The following ADAMTS19 variants were observed in gnomAD, a reference collection of about 807,000 sequenced individuals.
ADAMTS19 encodes the protein A disintegrin and metalloproteinase with thrombospondin motifs 19.
ADAMTS19 carries 93 observed loss-of-function variants against 153.3 expected under a neutral mutation model. The observed-to-expected ratio is 0.61, with a 90% CI of 0.51 to 0.72. The LOEUF (loss-of-function observed/expected upper bound fraction) is 0.72. Ranked by LOEUF, ADAMTS19 falls within the 30% of genes least tolerant of loss-of-function variation. The probability of loss-of-function intolerance (pLI) is 0.00; values close to 1 mark genes in which losing one functional copy is unlikely to be tolerated. For synonymous variants in ADAMTS19, 600 were observed against 556.6 expected (o/e 1.08, Z -1.10); for missense variants, 1,482 against 1,552.1 (o/e 0.95, Z 0.76).
chr5:129,642,087 AT>A (rs1191255171), intron 11 of ADAMTS19, 127 bp downstream of exon 11: 1 of 442,558 alleles, frequency 2.3e-6, no homozygotes, highest in African/African-American at 2.0e-5. Flanking sequence ...ATATACAAAA[AT>A]ATTAGTATTT....
intron 6 of ADAMTS19, among the ~76,000 whole-genome samples, chr5:129,541,953 A>G (rs1561560987): frequency 6.6e-6 from 1 of 152,140 alleles, no homozygotes; most frequent in South Asian, 2.1e-4. Flanking sequence ...TATTTATAAT[A>G]ATAATGCTAG....
At chr5:129,686,237 G>C (rs940778072) in intron 18 of ADAMTS19, among the ~76,000 whole-genome samples, 16 of 152,100 alleles carry the variant, frequency 1.1e-4, no homozygotes, top group African/African-American at 3.1e-4. Flanking sequence ...TAAGAGAGGA[G>C]TAAGTGCTTG....
intron 2 of ADAMTS19, among the ~76,000 whole-genome samples, chr5:129,504,872 G>GACACACACACACACACACACACAC (rs34742030): frequency 1.3e-5 from 2 of 148,222 alleles, no homozygotes; most frequent in South Asian, 2.2e-4. Context: ...CACACACACA[G>GACACACACACACACACACACACAC]ACACACACAC....
intron 10 of ADAMTS19, among the ~76,000 whole-genome samples, chr5:129,639,468 TGA>T (rs1191392128): frequency 2.6e-5 from 4 of 152,150 alleles, no homozygotes; most frequent in African/African-American, 7.2e-5. Context: ...AAGACATCTC[TGA>T]GAGAGATTTT....
intron 10 of ADAMTS19, 103 bp from the exon 11 acceptor site, chr5:129,641,756 T>G (rs1581175965): frequency 6.9e-6 from 4 of 581,390 alleles, no homozygotes; most frequent in Non-Finnish European, 1.2e-5. Flanking sequence ...TTTCTTCAAA[T>G]AATTTTTGTT....
intron 3 of ADAMTS19, 72 bp downstream of exon 3, chr5:129,509,314 C>A: frequency 7.5e-7 from 1 of 1,328,886 alleles, no homozygotes; most frequent in South Asian, 1.5e-5. Flanking sequence ...AAAACTCTCT[C>A]GTCTATTTAC....
Position 129,518,721 on chromosome 5 carries a change from G to A in ADAMTS19, c.914-7563G>A, listed in dbSNP as rs573195295. ...TATAACCTTTTTGTATTTGGATATC[G>A]GTATCTTTTTCTAGGTTTGGGAAGT... On this transcript the variant is annotated intron_variant, in intron 3 of 22. Transcript: ENST00000274487. Among the ~76,000 whole-genome samples, 13 of 151,866 alleles carry A rather than the reference G, an allele frequency of 8.6e-5. No homozygotes were observed. The South Asian group carries it at 1.7e-3, about 19-fold the overall frequency.
chr5:129,588,982 T>C (rs1749960821), intron 7 of ADAMTS19, among the ~76,000 whole-genome samples: 2 of 151,944 alleles, frequency 1.3e-5, no homozygotes, highest in Non-Finnish European at 2.9e-5. Flanking sequence ...TCCCCTATTA[T>C]TTTGCTAGTT....
At chr5:129,675,761 A>C (rs576216549) in intron 16 of ADAMTS19, among the ~76,000 whole-genome samples, 1 of 152,310 alleles carries the variant, frequency 6.6e-6, no homozygotes, top group East Asian at 1.9e-4. Context: ...TCAGCTGGGC[A>C]CAGTGGCTCA....
At position 129,648,843 on chromosome 5, in the gene ADAMTS19, C is replaced by G; in HGVS notation, c.2049C>G (p.Tyr683Ter). Residue 683 changes from tyrosine (Y) to a stop codon, truncating the protein, a stop_gained, in exon 13 of 23, where the codon TAC becomes TAG. Coordinates refer to ENST00000274487, the MANE Select transcript of ADAMTS19 (RefSeq NM_133638.6). LOFTEE classifies it high-confidence loss of function. ...ARDCNGPRKQ[Y>*]RICENPPCPA... ...ATTGTAATGGTCCCAGAAAACAATA[C>G]AGAATATGTGAGAATCCACCTTGTC... 2 of 1,613,820 alleles carry G rather than the reference C, an allele frequency of 1.2e-6. No individual in the cohort carries two copies. The highest frequency in any genetic ancestry group is 1.7e-6 in the Non-Finnish European group (2 of 1,179,880).
In ADAMTS19 at chr5:129,734,322, C is replaced by T. The variant is rs184600800; in HGVS notation, c.3313-610C>T. ...AAAAATAAAAAAGAGAAAAAAAGTA[C>T]CTTTTACCTGAGAAATTCAGATTAT... On this transcript the variant is annotated intron_variant, in intron 21 of 22. Transcript: ENST00000274487. Among the ~76,000 whole-genome samples the T allele has an allele frequency of 2.2e-4, 34 of 151,862 alleles. No individual in the cohort carries two copies. The South Asian group carries it at 5.2e-3, about 23-fold the overall frequency.
chr5:129,714,174 C>CTT (rs1249083234), intron 21 of ADAMTS19, among the ~76,000 whole-genome samples: 1 of 151,144 alleles, frequency 6.6e-6, no homozygotes, highest in Non-Finnish European at 1.5e-5. Flanking sequence ...AATCCCAGCA[C>CTT]TTTGGGAGGC....
chr5:129,701,684 G>C, intron 20 of ADAMTS19, 92 bp downstream of exon 20: 1 of 1,367,264 alleles, frequency 7.3e-7, no homozygotes, highest in Non-Finnish European at 9.8e-7. Context: ...CTGCATTGAA[G>C]TTGATATTTT....
At chr5:129,462,731 G>A (rs1483027738) in intron 2 of ADAMTS19, among the ~76,000 whole-genome samples, 1 of 152,196 alleles carries the variant, frequency 6.6e-6, no homozygotes, top group East Asian at 1.9e-4. Context: ...GTCCTTTATG[G>A]TTGTTGCCAC....
At chr5:129,544,951 T>C (rs1157836907) in intron 6 of ADAMTS19, among the ~76,000 whole-genome samples, 1 of 152,136 alleles carries the variant, frequency 6.6e-6, no homozygotes, top group Admixed American at 6.6e-5. Context: ...TGAAAGCATA[T>C]GCAAAACTGC....
intron 2 of ADAMTS19, among the ~76,000 whole-genome samples, chr5:129,491,942 C>T (rs1750784433): frequency 6.6e-6 from 1 of 152,182 alleles, no homozygotes; most frequent in Non-Finnish European, 1.5e-5. Flanking sequence ...GAAGAAATCA[C>T]ATCAAATTGA....
chr5:129,500,316 C>G (rs1039201952), intron 2 of ADAMTS19: 3 of 152,128 alleles, frequency 2.0e-5, no homozygotes, highest in Non-Finnish European at 4.4e-5. Context: ...TTAACGGACA[C>G]CCAGAAGGAG....
rs190814173 is a variant in ADAMTS19 at position 129,485,987 on chromosome 5, C to T, written c.748-23090C>T. 3.5e-4 allele frequency among the ~76,000 whole-genome samples: 54 copies of T among 152,148 alleles called. No individual in the cohort carries two copies. The East Asian group carries it at 8.5e-3, about 24-fold the overall frequency. ...TGTATTTTTAGTAGGGACAGGGTTT[C>T]GCTACGTTGGCCAGGCTGGTGTCAA... On this transcript the variant is annotated intron_variant, in intron 2 of 22. Transcript: ENST00000274487.
At chr5:129,566,379 C>T (rs1378790003) in intron 7 of ADAMTS19, among the ~76,000 whole-genome samples, 2 of 152,098 alleles carry the variant, frequency 1.3e-5, no homozygotes, top group East Asian at 1.9e-4. Flanking sequence ...TGTCTAGTTT[C>T]AGGTAAACTG....
Sources: gnomAD v4.1 joint callset for allele counts (sites outside exome capture counted in the v4.1 genomes callset) on GRCh38, gnomAD v4.1.1 for gene constraint, MANE v1.5 for transcripts, NCBI Gene and HGNC (gene_info 2026-07-23, HGNC 2026-07-21) for gene names.